CYP39A1: variants seen among roughly 807,000 people sequenced by gnomAD.
CYP39A1 encodes 24-hydroxycholesterol 7-alpha-hydroxylase.
CYP39A1 carries 49 observed loss-of-function variants against 58.1 expected under a neutral mutation model. That is an observed-to-expected ratio of 0.84 (90% confidence interval 0.67 to 1.07). The LOEUF is 1.07. CYP39A1 is among the 50% of genes least tolerant of loss of function. CYP39A1 has a pLI of 0.00. For missense variants in CYP39A1, 531 were observed against 539.4 expected, an observed-to-expected ratio of 0.98 and a Z score of 0.16; for synonymous variants, 209 against 187.6, an observed-to-expected ratio of 1.11 and a Z score of -0.93.
intron 7 of CYP39A1, among the ~76,000 whole-genome samples, chr6:46,611,660 T>C (rs1265814131): frequency 2.0e-5 from 3 of 152,198 alleles, no homozygotes; most frequent in African/African-American, 7.2e-5. Context: ...AAATGGAGCA[T>C]GCCTCATAAT....
At chr6:46,557,936 AAAAAAAAAAAAAAAAAAAG>A (rs1770744314) in intron 10 of CYP39A1, among the ~76,000 whole-genome samples, 1 of 148,652 alleles carries the variant, frequency 6.7e-6, no homozygotes, top group Non-Finnish European at 1.5e-5. Context: ...TCCATCTCAA[AAAAAAAAAAAAAAAAAAAG>A]AAAAAAAGAA....
chr6:46,651,799 G>T (rs992901854), intron 1 of CYP39A1, among the ~76,000 whole-genome samples: 33 of 152,256 alleles, frequency 2.2e-4, no homozygotes, highest in African/African-American at 7.2e-4. Context: ...ACTGGAAATT[G>T]AATAAAACTT....
chr6:46,635,181 T>G (rs1775905260), intron 5 of CYP39A1, among the ~76,000 whole-genome samples: 1 of 152,236 alleles, frequency 6.6e-6, no homozygotes, highest in Admixed American at 6.5e-5. Flanking sequence ...GATGCCATCT[T>G]TAAATATAAA....
In CYP39A1 at chr6:46,637,272, A is replaced by G. The variant is rs771308727; in HGVS notation, c.638+557T>C. ...CAGGCCTCCAGCCTCCAGGGCGATG[A>G]GAAATAAATTTCTGTTGTTTATAAG... On this transcript the variant is annotated intron_variant, in intron 4 of 11. Transcript: ENST00000275016. 7.2e-5 allele frequency among the ~76,000 whole-genome samples: 11 copies of G among 152,356 alleles called. 1 individual carries two copies. Among genetic ancestry groups the G allele is most frequent in the Middle Eastern group, 6.8e-3 (2 of 294 alleles).
chr6:46,625,747 TTAAA>T (rs1399285773), intron 6 of CYP39A1, among the ~76,000 whole-genome samples: 1 of 151,958 alleles, frequency 6.6e-6, no homozygotes, highest in Non-Finnish European at 1.5e-5. Flanking sequence ...ACTATATAAT[TTAAA>T]TAGATTAAAC....
chr6:46,576,855 CA>C (rs1216745692), intron 10 of CYP39A1, among the ~76,000 whole-genome samples: 1 of 151,962 alleles, frequency 6.6e-6, no homozygotes, highest in Admixed American at 6.6e-5. Flanking sequence ...GTTAAGAAAC[CA>C]AACCTACAAC....
At chr6:46,651,949 A>T (rs890623110) in intron 1 of CYP39A1, among the ~76,000 whole-genome samples, 5 of 152,232 alleles carry the variant, frequency 3.3e-5, no homozygotes, top group Non-Finnish European at 7.3e-5. Context: ...ATCAAATAAC[A>T]ACGTCAGCTA....
intron 7 of CYP39A1, among the ~76,000 whole-genome samples, chr6:46,604,609 A>G (rs547744914): frequency 2.0e-5 from 3 of 152,340 alleles, no homozygotes; most frequent in East Asian, 3.9e-4. Context: ...ACATATTAAC[A>G]TGTTTATTTG....
chr6:46,591,359 A>C (rs912244932), intron 8 of CYP39A1, among the ~76,000 whole-genome samples: 1 of 152,082 alleles, frequency 6.6e-6, no homozygotes, highest in Admixed American at 6.6e-5. Flanking sequence ...TGATGTTTAC[A>C]TTATATTCAC....
intron 4 of CYP39A1, among the ~76,000 whole-genome samples, chr6:46,636,782 G>GT (rs913792305): frequency 2.6e-5 from 4 of 151,334 alleles, no homozygotes; most frequent in African/African-American, 9.6e-5. Context: ...TGTGGCTGCT[G>GT]TAAGTTGCAG....
chr6:46,583,441 C>T, intron 10 of CYP39A1: 1 of 985,396 alleles, frequency 1.0e-6, no homozygotes, highest in Non-Finnish European at 1.2e-6. Flanking sequence ...TTCCTCCACA[C>T]TGAAAACCCT....
chr6:46,598,873 G>A (rs2150528428), intron 7 of CYP39A1, among the ~76,000 whole-genome samples: 1 of 152,220 alleles, frequency 6.6e-6, no homozygotes, highest in African/African-American at 2.4e-5. Flanking sequence ...GCAGTGCCCG[G>A]TATGTACTAA....
chr6:46,647,675 C>T (rs559530106), intron 1 of CYP39A1, among the ~76,000 whole-genome samples: 1 of 152,252 alleles, frequency 6.6e-6, no homozygotes, highest in East Asian at 1.9e-4. Flanking sequence ...TGCAAAATAT[C>T]GAACTTCAGC....
intron 2 of CYP39A1, among the ~76,000 whole-genome samples, chr6:46,640,798 T>C (rs1776286292): frequency 7.8e-6 from 1 of 127,838 alleles, no homozygotes; most frequent in Admixed American, 8.9e-5. Context: ...AGTAGTCCCC[T>C]GTGTCCATTG....
chr6:46,640,497 T>C (rs1015314295), intron 2 of CYP39A1, among the ~76,000 whole-genome samples: 13 of 152,238 alleles, frequency 8.5e-5, no homozygotes, highest in Non-Finnish European at 1.5e-4. Context: ...TTAGTATTCG[T>C]GCTCCTTCTA....
intron 7 of CYP39A1, among the ~76,000 whole-genome samples, chr6:46,606,187 C>T (rs1230276620): frequency 6.6e-6 from 1 of 151,936 alleles, no homozygotes; most frequent in Non-Finnish European, 1.5e-5. Flanking sequence ...AATATAGAAA[C>T]AGAAGCTTGT....
Position 46,630,903 on chromosome 6 carries a change from GA to G in CYP39A1, c.840+59del, listed in dbSNP as rs367893028. 41 of 1,221,296 alleles carry G rather than the reference GA, an allele frequency of 3.4e-5. 2 individuals are homozygous for G. The highest frequency in any genetic ancestry group is 2.1e-4 in the African/African-American group (14 of 65,438). The allele number at this position is 1,221,296 out of a possible 1,614,324, so 75.7% of individuals were successfully genotyped here. A position where few individuals can be genotyped will look rare whatever the true frequency, so the allele number is the denominator to read the frequency against. ...AAAAGAATGGAAGACAGAAATGAAG[GA>G]AAAAAAGATGAAAGGACAGTGGAGA... On this transcript the variant is annotated intron_variant, in intron 6 of 11. Coordinates refer to ENST00000275016, the MANE Select transcript of CYP39A1 (RefSeq NM_016593.5).
chr6:46,631,880 A>G (rs1252495268), intron 5 of CYP39A1, among the ~76,000 whole-genome samples: 1 of 152,214 alleles, frequency 6.6e-6, no homozygotes, highest in Non-Finnish European at 1.5e-5. Flanking sequence ...TGTCTTTGCC[A>G]GTGACGGCTC....
chr6:46,561,692 G>C (rs999542674), intron 10 of CYP39A1, among the ~76,000 whole-genome samples: 1 of 152,016 alleles, frequency 6.6e-6, no homozygotes, highest in African/African-American at 2.4e-5. Context: ...GTGTGGAAAC[G>C]GGGTTTCTCG....
Sources: gnomAD v4.1 joint callset for allele counts (sites outside exome capture counted in the v4.1 genomes callset) on GRCh38, gnomAD v4.1.1 for gene constraint, MANE v1.5 for transcripts, NCBI Gene and HGNC (gene_info 2026-07-23, HGNC 2026-07-21) for gene names.